The following NFIB variants were observed in gnomAD, a reference collection of about 807,000 sequenced individuals.
The protein encoded by NFIB is nuclear factor I B, also known as nuclear factor 1 B-type.
Under a neutral mutation model 61.5 loss-of-function variants are expected in NFIB, and 11 were observed. The observed-to-expected ratio is 0.18, with a 90% CI of 0.11 to 0.30. NFIB has a LOEUF of 0.30. Ranked by LOEUF, NFIB falls within the 10% of genes least tolerant of loss-of-function variation. The pLI is 1.00. For synonymous variants in NFIB, 260 were observed against 216.5 expected (o/e 1.20, Z -1.76); for missense variants, 471 against 608.9 (o/e 0.77, Z 2.38).
chr9:14,512,745 T>C, the NFIB span, among the ~76,000 whole-genome samples: 3 of 152,052 alleles, frequency 2.0e-5, no homozygotes, highest in Non-Finnish European at 4.4e-5. Context: ...CCACCTCCCT[T>C]TTCTCTCTTC....
chr9:14,133,086 A>G (rs2040591824), intron 6 of NFIB, among the ~76,000 whole-genome samples: 1 of 152,168 alleles, frequency 6.6e-6, no homozygotes, highest in Admixed American at 6.5e-5. Flanking sequence ...TGACAAGATT[A>G]TATTATATTG....
chr9:14,321,081 GA>G (rs1438834181), intron 1 of NFIB, among the ~76,000 whole-genome samples: 1 of 152,084 alleles, frequency 6.6e-6, no homozygotes, highest in Admixed American at 6.6e-5. Context: ...TGTCAAAGTC[GA>G]AACTGGCTTC....
chr9:14,172,463 T>C (rs947285732), intron 3 of NFIB, among the ~76,000 whole-genome samples: 2 of 152,110 alleles, frequency 1.3e-5, no homozygotes, highest in African/African-American at 4.8e-5. Context: ...AATTATACAA[T>C]GTTAATACAA....
the NFIB span, among the ~76,000 whole-genome samples, chr9:14,455,036 A>G: frequency 3.9e-5 from 6 of 152,172 alleles, no homozygotes; most frequent in Non-Finnish European, 7.4e-5. Flanking sequence ...GTAAGCCCCC[A>G]TGATTGGGGG....
intron 3 of NFIB, among the ~76,000 whole-genome samples, chr9:14,159,439 G>C (rs1482850495): frequency 6.6e-6 from 1 of 152,186 alleles, no homozygotes; most frequent in African/African-American, 2.4e-5. Context: ...TGAGACTTTA[G>C]TGGAGGAAGG....
chr9:14,451,165 T>A, the NFIB span, among the ~76,000 whole-genome samples: 1 of 152,324 alleles, frequency 6.6e-6, no homozygotes, highest in Non-Finnish European at 1.5e-5. Flanking sequence ...ACCCTCCCAG[T>A]GGGACACCAC....
intron 2 of NFIB, among the ~76,000 whole-genome samples, chr9:14,193,698 G>A (rs1054135907): frequency 1.3e-5 from 2 of 152,102 alleles, no homozygotes; most frequent in Non-Finnish European, 2.9e-5. Context: ...ATGTTCATAC[G>A]CACAGGGATA....
intron 2 of NFIB, among the ~76,000 whole-genome samples, chr9:14,231,766 T>A (rs942624530): frequency 6.6e-6 from 1 of 152,172 alleles, no homozygotes; most frequent in Admixed American, 6.5e-5. Flanking sequence ...CTGCATAACA[T>A]GTCAAGCTAA....
chr9:14,446,808 C>T, the NFIB span, among the ~76,000 whole-genome samples: 1 of 152,074 alleles, frequency 6.6e-6, no homozygotes, highest in South Asian at 2.1e-4. Context: ...ACAACTTCTG[C>T]GCATTACTCA....
intron 1 of NFIB, among the ~76,000 whole-genome samples, chr9:14,373,813 C>G (rs896340790): frequency 5.9e-5 from 9 of 152,030 alleles, no homozygotes; most frequent in Non-Finnish European, 1.3e-4. Context: ...TTAGGAAGGG[C>G]AGATCCACAT....
chr9:14,112,837 A>G (rs1445081009), intron 10 of NFIB, among the ~76,000 whole-genome samples, 162 bp downstream of exon 10: 1 of 152,236 alleles, frequency 6.6e-6, no homozygotes, highest in Non-Finnish European at 1.5e-5. Flanking sequence ...AAGAGGTGAG[A>G]AACAAAGGAT....
At chr9:14,465,198 C>T in the NFIB span, among the ~76,000 whole-genome samples, 11 of 152,148 alleles carry the variant, frequency 7.2e-5, no homozygotes, top group African/African-American at 2.7e-4. Context: ...CCTTCCACCC[C>T]CTTATCCTCA....
chr9:14,504,577 T>C, the NFIB span, among the ~76,000 whole-genome samples: 5 of 152,288 alleles, frequency 3.3e-5, no homozygotes, highest in South Asian at 1.0e-3. Context: ...AGTATTTTAT[T>C]TATTTTTTTG....
intron 2 of NFIB, among the ~76,000 whole-genome samples, chr9:14,224,788 G>C (rs1225505958): frequency 6.6e-6 from 1 of 152,188 alleles, no homozygotes; most frequent in East Asian, 1.9e-4. Context: ...AAATACCATG[G>C]AACGACTGTA....
At chr9:14,322,207 A>G (rs951465203) in intron 1 of NFIB, 1 of 922,534 alleles carries the variant, frequency 1.1e-6, no homozygotes. Flanking sequence ...AAAAGCAGGC[A>G]GCCCTTCAGT....
chr9:14,442,370 T>C, the NFIB span, among the ~76,000 whole-genome samples: 1 of 152,146 alleles, frequency 6.6e-6, no homozygotes, highest in Non-Finnish European at 1.5e-5. Context: ...CAAGGGGTCG[T>C]TGAGAGGATC....
At chr9:14,222,861 A>T (rs2131847326) in intron 2 of NFIB, among the ~76,000 whole-genome samples, 1 of 151,442 alleles carries the variant, frequency 6.6e-6, no homozygotes, top group South Asian at 2.1e-4. Context: ...CAGCTCAAAC[A>T]CCCCTTCTTT....
chr9:14,120,446 G>T lies in NFIB; in HGVS notation c.1239C>A (p.Thr413=), dbSNP rs756799491. The T allele has an allele frequency of 6.2e-7, 1 of 1,613,980 alleles. No individual in the cohort carries two copies. Among genetic ancestry groups the T allele is most frequent in the East Asian group, 2.2e-5 (1 of 44,866 alleles). ...TTTTCTCTCTTATTTTTACCTGGCT[G>T]GTTTGTGGACTGGATGGGTCATAAG... ...VPSYDPSSPQ[T]SQPNGSGQVV... is the part of the protein sequence containing the mutation. The change falls in exon 8 of 11, where the codon ACC becomes ACA. Residue 413 remains threonine (T), a synonymous_variant. Coordinates refer to ENST00000380953, the MANE Select transcript of NFIB (RefSeq NM_001190737.2). This position sits in a 1 kb window ranked among gnomAD's most constrained non-coding sequence, Gnocchi z 4.4.
chr9:14,365,878 CTG>C (rs1412158852), intron 1 of NFIB, among the ~76,000 whole-genome samples: 1 of 152,178 alleles, frequency 6.6e-6, no homozygotes, highest in East Asian at 1.9e-4. Context: ...ACCTCCCAAA[CTG>C]TACATCTTTT....
Sources: allele counts gnomAD v4.1 joint callset (sites outside exome capture counted in the v4.1 genomes callset), GRCh38; gene constraint gnomAD v4.1.1; non-coding constraint Gnocchi (gnomAD v3.1); transcripts MANE v1.5; gene names NCBI Gene and HGNC (gene_info 2026-07-23, HGNC 2026-07-21).